ASH2L: variants seen among roughly 807,000 people sequenced by gnomAD.
ASH2L encodes the protein ASH2 like, histone lysine methyltransferase complex subunit.
A neutral mutation model predicts 81.1 loss-of-function variants in ASH2L; 30 were observed. The ratio of observed to expected loss-of-function variants is 0.37; its 90% CI spans 0.28 to 0.50. The LOEUF (loss-of-function observed/expected upper bound fraction) is 0.50, where lower values mean the gene tolerates loss of function less well. ASH2L is among the 20% of genes least tolerant of loss of function. ASH2L has a pLI of 0.95. For missense variants in ASH2L, 559 were observed against 792.1 expected, an observed-to-expected ratio of 0.71 and a Z score of 3.53; for synonymous variants, 273 against 279.9, an observed-to-expected ratio of 0.98 and a Z score of 0.24.
At chr8:38,121,336 TATATATATA>T (rs1563255651) in intron 10 of ASH2L, among the ~76,000 whole-genome samples, 187 bp downstream of exon 10, 2 of 110,720 alleles carry the variant, frequency 1.8e-5, no homozygotes, top group East Asian at 5.6e-4. Flanking sequence ...GTTTTATTTA[TATATATATA>T]TATATATATA....
chr8:38,113,039 G>A (rs1810751280), intron 5 of ASH2L, among the ~76,000 whole-genome samples: 1 of 151,714 alleles, frequency 6.6e-6, no homozygotes, highest in Non-Finnish European at 1.5e-5. Flanking sequence ...CGATGTCTCG[G>A]CTCACTGCAA....
At chr8:38,113,790 A>C (rs148147767) in intron 5 of ASH2L, among the ~76,000 whole-genome samples, 2 of 152,352 alleles carry the variant, frequency 1.3e-5, no homozygotes, top group African/African-American at 4.8e-5. Flanking sequence ...ACCAAGTTCC[A>C]TTTTAGTCAC....
At chr8:38,118,672 G>T (rs1403764231) in intron 8 of ASH2L, among the ~76,000 whole-genome samples, 2 of 152,212 alleles carry the variant, frequency 1.3e-5, no homozygotes, top group Non-Finnish European at 2.9e-5. Flanking sequence ...CCACGATGGA[G>T]ATCTAGCAGT....
chr8:38,116,481 C>T (rs1810905645), intron 7 of ASH2L, among the ~76,000 whole-genome samples, 169 bp from the exon 8 acceptor site: 1 of 152,086 alleles, frequency 6.6e-6, no homozygotes, highest in Non-Finnish European at 1.5e-5. Context: ...TGCAGTAAGC[C>T]GAGATCGCGC....
chr8:38,125,917 C>T (rs765251353), intron 10 of ASH2L, among the ~76,000 whole-genome samples: 4 of 151,586 alleles, frequency 2.6e-5, no homozygotes, highest in African/African-American at 4.8e-5. Context: ...AATGAGGAAA[C>T]GCCAGGCCGG....
chr8:38,108,117 G>A (rs1352096711), intron 3 of ASH2L, among the ~76,000 whole-genome samples: 1 of 151,922 alleles, frequency 6.6e-6, no homozygotes, highest in Non-Finnish European at 1.5e-5. Flanking sequence ...ATAATCTGTT[G>A]TATACTTTCT....
intron 14 of ASH2L, chr8:38,137,774 G>A (rs1455479147): frequency 6.7e-6 from 1 of 149,960 alleles, no homozygotes; most frequent in Non-Finnish European, 1.5e-5. Flanking sequence ...TGTACTTTTA[G>A]TCTGTCAGTA....
intron 13 of ASH2L, among the ~76,000 whole-genome samples, chr8:38,134,131 G>C (rs1015156900): frequency 5.9e-5 from 9 of 152,098 alleles, no homozygotes; most frequent in South Asian, 2.1e-4. Context: ...CAGCATGCTC[G>C]TTAAGAGTCA....
intron 8 of ASH2L, among the ~76,000 whole-genome samples, chr8:38,117,268 C>T (rs1810945093): frequency 6.6e-6 from 1 of 152,208 alleles, no homozygotes; most frequent in Non-Finnish European, 1.5e-5. Flanking sequence ...AGCTGTTCAT[C>T]TGATATATGG....
chr8:38,110,447 A>G lies in ASH2L; in HGVS notation c.470A>G (p.Tyr157Cys). 6.2e-7 allele frequency: 1 copy of G among 1,613,958 alleles called. No homozygotes were observed. The highest frequency in any genetic ancestry group is 8.5e-7 in the Non-Finnish European group (1 of 1,179,824). ...GTCTGCCATCACAGTGGGAATACCT[A>G]TTTCCTCCGGAAGCAAGCAAGTAAG... is the stretch of plus-strand genomic sequence containing the variant. ...CNVCHHSGNT[Y>C]FLRKQANLKE... The change falls in exon 4 of 16, where the codon TAT becomes TGT. Residue 157 changes from tyrosine (Y) to cysteine (C), a missense_variant. Coordinates refer to ENST00000343823, the MANE Select transcript of ASH2L (RefSeq NM_004674.5).
intron 9 of ASH2L, among the ~76,000 whole-genome samples, chr8:38,120,575 A>G (rs570985183): frequency 2.3e-4 from 30 of 132,576 alleles, no homozygotes; most frequent in African/African-American, 8.4e-4. Context: ...TAATCAGTAT[A>G]CTAAAGACTA....
intron 14 of ASH2L, chr8:38,138,084 C>T (rs1357954408): frequency 1.3e-5 from 2 of 152,114 alleles, no homozygotes; most frequent in Non-Finnish European, 2.9e-5. Flanking sequence ...TCGAGACCAG[C>T]CTGGGCAACA....
At chr8:38,106,175 G>C in intron 1 of ASH2L, 2 of 1,526,286 alleles carry the variant, frequency 1.3e-6, no homozygotes, top group Non-Finnish European at 1.8e-6. Flanking sequence ...AGGCTTCCCT[G>C]TGCTCCGTGG....
At chr8:38,105,500 A>G (rs374364512), upstream of ASH2L, 2 of 1,477,356 alleles carry the variant, frequency 1.4e-6, no homozygotes, top group Non-Finnish European at 1.8e-6. Flanking sequence ...TCACACAGCA[A>G]CGCGCGCGAG....
At chr8:38,132,753 C>T (rs1432160197) in intron 12 of ASH2L, among the ~76,000 whole-genome samples, 1 of 150,354 alleles carries the variant, frequency 6.7e-6, no homozygotes, top group Non-Finnish European at 1.5e-5. Flanking sequence ...GAGCCAAGAT[C>T]ACACCACTGC....
In ASH2L at chr8:38,116,738, A is replaced by G. The variant is rs200100798; in HGVS notation, c.853+13A>G. ...GGGAATTTAAATGGTAAGTGTTTAC[A>G]TATCTCATTGCTGAAATATTTGGAA... On this transcript the variant is annotated intron_variant, in intron 8 of 15. Transcript: ENST00000343823. 14 of 1,600,994 alleles carry G rather than the reference A, an allele frequency of 8.7e-6. No homozygotes were observed. The African/African-American group carries it at 1.2e-4, about 14-fold the overall frequency.
intron 14 of ASH2L, among the ~76,000 whole-genome samples, chr8:38,136,363 C>T (rs1802255606): frequency 8.5e-6 from 1 of 118,168 alleles, no homozygotes; most frequent in Non-Finnish European, 1.7e-5. Context: ...CATGAGGTAC[C>T]ACATCTGGCA....
In ASH2L at chr8:38,110,318, A is replaced by G. The variant is rs1810631754; in HGVS notation, c.402-61A>G. ...TAGAGTGAGAGCCTGTCTTTAAAAA[A>G]AGAAAAAGAAGTGTGTGTGTTCACA... On this transcript the variant is annotated intron_variant, in intron 3 of 15. Transcript: ENST00000343823. 9 of 1,330,040 alleles carry G rather than the reference A, an allele frequency of 6.8e-6. No homozygotes were observed. In the Admixed American group the frequency reaches 1.5e-4, roughly 22 times the overall value. 82.4% of individuals were successfully genotyped at this position (1,330,040 alleles called of 1,614,324 possible). A position where few individuals can be genotyped will look rare whatever the true frequency, so the allele number is the denominator to read the frequency against.
rs116556029 is a variant in ASH2L, at chr8:38,136,139, T to C, written c.1719+373T>C. On this transcript the variant is annotated intron_variant, in intron 14 of 15. Transcript: ENST00000343823. The stretch of plus-strand genomic sequence containing the variant: ...TTTTTTTTTTTTTTTTGAGACAGTG[T>C]CTCACTCTGTTGCATAGGCTCACCA... Among the ~76,000 whole-genome samples the C allele has an allele frequency of 8.7e-3, 1,238 of 142,830 alleles. 33 individuals carry two copies. The highest frequency in any genetic ancestry group is 0.03 in the African/African-American group (1,140 of 37,600). The allele number at this position is 142,830 out of a possible 152,430, so 93.7% of individuals were successfully genotyped here. A position where few individuals can be genotyped will look rare whatever the true frequency, so the allele number is the denominator to read the frequency against.
Sources: gnomAD v4.1 joint callset for allele counts (sites outside exome capture counted in the v4.1 genomes callset) on GRCh38, gnomAD v4.1.1 for gene constraint, MANE v1.5 for transcripts, NCBI Gene and HGNC (gene_info 2026-07-23, HGNC 2026-07-21) for gene names.